METTL15: variants seen among roughly 807,000 people sequenced by gnomAD.
METTL15 encodes 12S rRNA N(4)-cytidine methyltransferase METTL15.
A neutral mutation model predicts 38.3 loss-of-function variants in METTL15; 34 were observed. The ratio of observed to expected loss-of-function variants is 0.89; its 90% CI spans 0.68 to 1.18. METTL15 has a LOEUF of 1.18. Among genes scored for constraint, METTL15 ranks in the 50% most tolerant of loss-of-function variants. The pLI, the probability that METTL15 is intolerant of heterozygous loss-of-function variation, is 0.00. For synonymous variants in METTL15, 162 were observed against 170.9 expected (o/e 0.95, Z 0.41); for missense variants, 438 against 498.4 (o/e 0.88, Z 1.15).
chr11:28,419,301 AAG>A (rs1408714741), intron 5 of METTL15, among the ~76,000 whole-genome samples: 1 of 152,142 alleles, frequency 6.6e-6, no homozygotes, highest in African/African-American at 2.4e-5. Flanking sequence ...CATAGAGAGG[AAG>A]AGAGAGAGAC....
At chr11:28,396,927 A>T (rs990175997) in intron 5 of METTL15, among the ~76,000 whole-genome samples, 2 of 152,184 alleles carry the variant, frequency 1.3e-5, no homozygotes, top group African/African-American at 4.8e-5. Flanking sequence ...AGCCCTCAGA[A>T]ATAATACCAC....
intron 5 of METTL15, among the ~76,000 whole-genome samples, chr11:28,414,541 A>G (rs1030544087): frequency 6.6e-6 from 1 of 152,186 alleles, no homozygotes; most frequent in Non-Finnish European, 1.5e-5. Context: ...CTATGGCAAT[A>G]TTAATTGTTT....
At chr11:28,506,253 G>A (rs1851626641) in intron 6 of METTL15, among the ~76,000 whole-genome samples, 1 of 152,164 alleles carries the variant, frequency 6.6e-6, no homozygotes, top group African/African-American at 2.4e-5. Flanking sequence ...TATTGGCCCA[G>A]TCTTTATTAT....
chr11:28,406,121 AG>A (rs1301797846), intron 5 of METTL15, among the ~76,000 whole-genome samples: 2 of 152,104 alleles, frequency 1.3e-5, no homozygotes, highest in African/African-American at 4.8e-5. Flanking sequence ...ATTTTAAAAT[AG>A]TTTTTTTTCT....
At chr11:28,122,139 C>G (rs1313683270) in intron 3 of METTL15, 4 of 1,220,150 alleles carry the variant, frequency 3.3e-6, no homozygotes, top group African/African-American at 1.6e-5. Context: ...ATTCCTCTTA[C>G]AGAGTCTTGG....
chr11:28,482,929 C>T (rs1851407512), intron 6 of METTL15, among the ~76,000 whole-genome samples: 1 of 152,104 alleles, frequency 6.6e-6, no homozygotes, highest in Admixed American at 6.5e-5. Context: ...CTAAGACATC[C>T]TCCTGGACAA....
intron 4 of METTL15, among the ~76,000 whole-genome samples, chr11:28,271,238 G>A (rs912731093): frequency 1.3e-5 from 2 of 151,980 alleles, no homozygotes; most frequent in African/African-American, 2.4e-5. Context: ...TTTATTATAA[G>A]GCTCATTTTA....
chr11:28,113,287 CCAA>C (rs1287302845), intron 2 of METTL15, 28 bp from the exon 3 acceptor site: 1 of 1,399,302 alleles, frequency 7.1e-7, no homozygotes, highest in South Asian at 1.4e-5. Context: ...TTAAAAAAAT[CCAA>C]CAATCATATT....
chr11:28,254,360 C>G (rs143022959), intron 4 of METTL15, among the ~76,000 whole-genome samples: 1 of 152,190 alleles, frequency 6.6e-6, no homozygotes, highest in African/African-American at 2.4e-5. Flanking sequence ...GTTATTTGAG[C>G]TCCTTATATA....
At chr11:28,197,518 A>G (rs1851953505) in intron 3 of METTL15, 1 of 447,164 alleles carries the variant, frequency 2.2e-6, no homozygotes, top group Non-Finnish European at 4.7e-6. Flanking sequence ...ATTTATTTCC[A>G]TTTACACACG....
At position 28,331,405 on chromosome 11, in the gene METTL15, T is replaced by C. The variant is rs1377373408; in HGVS notation, c.*564T>C. 1 of 151,564 alleles carries C rather than the reference T, an allele frequency of 6.6e-6. No homozygotes were observed. Among genetic ancestry groups the C allele is most frequent in the East Asian group, 1.9e-4 (1 of 5,162 alleles). The allele number at this position is 151,564 out of a possible 1,614,324, so 9.4% of individuals were successfully genotyped here. ...ATTTCATCTTTCAAATTATAGTCTATTATTTTAAAGGGATTTTTCAGTATG... is the reference window on the plus strand; with the variant it reads ...ATTTCATCTTTCAAATTATAGTCTACTATTTTAAAGGGATTTTTCAGTATG... On this transcript the variant is annotated 3_prime_UTR_variant, in exon 7 of 7. Coordinates refer to ENST00000407364, the MANE Select transcript of METTL15 (RefSeq NM_001113528.2).
intron 4 of METTL15, among the ~76,000 whole-genome samples, chr11:28,354,923 G>A (rs933259565): frequency 2.0e-5 from 3 of 152,160 alleles, no homozygotes; most frequent in African/African-American, 7.2e-5. Flanking sequence ...TACTGAGGCT[G>A]AGCAGTTTTT....
At chr11:28,524,542 A>G (rs920372893) in intron 6 of METTL15, among the ~76,000 whole-genome samples, 2 of 152,226 alleles carry the variant, frequency 1.3e-5, no homozygotes, top group Non-Finnish European at 2.9e-5. Flanking sequence ...ATTGTCAAAG[A>G]CATTTTCTTT....
At chr11:28,143,666 G>T (rs1042527969) in intron 3 of METTL15, among the ~76,000 whole-genome samples, 32 of 152,180 alleles carry the variant, frequency 2.1e-4, no homozygotes, top group African/African-American at 7.0e-4. Flanking sequence ...GATGCCTTAG[G>T]AAGGGGAAAG....
intron 6 of METTL15, among the ~76,000 whole-genome samples, chr11:28,458,874 T>C (rs1851192169): frequency 6.6e-6 from 1 of 152,242 alleles, no homozygotes; most frequent in Non-Finnish European, 1.5e-5. Flanking sequence ...ATTGGTAGAA[T>C]GAAAGTTCAA....
At chr11:28,213,630 A>AT (rs974182653) in intron 4 of METTL15, among the ~76,000 whole-genome samples, 16 of 151,246 alleles carry the variant, frequency 1.1e-4, no homozygotes, top group Non-Finnish European at 1.8e-4. Context: ...AAAAAAAAAA[A>AT]AAATAGGAAA....
intron 6 of METTL15, among the ~76,000 whole-genome samples, chr11:28,304,413 A>G (rs1477232744): frequency 6.6e-6 from 1 of 152,188 alleles, no homozygotes. Flanking sequence ...TTCAAAATAA[A>G]AGATAATGAT....
intron 4 of METTL15, among the ~76,000 whole-genome samples, chr11:28,246,322 ATTAT>A (rs1204637591): frequency 5.3e-5 from 8 of 152,178 alleles, no homozygotes; most frequent in South Asian, 4.1e-4. Context: ...TCAATAAAAA[ATTAT>A]TTATCCTTTT....
intron 5 of METTL15, among the ~76,000 whole-genome samples, chr11:28,377,414 T>G (rs1033191042): frequency 1.3e-5 from 2 of 152,230 alleles, no homozygotes; most frequent in Admixed American, 1.3e-4. Context: ...TCATTTCATC[T>G]TCCATTGCTG....
Sources: allele counts gnomAD v4.1 joint callset (sites outside exome capture counted in the v4.1 genomes callset), GRCh38; gene constraint gnomAD v4.1.1; transcripts MANE v1.5; gene names NCBI Gene and HGNC (gene_info 2026-07-23, HGNC 2026-07-21).